Variants in ESYT2 observed in about 807,000 individuals in gnomAD.
ESYT2 encodes the protein extended synaptotagmin-2.
A neutral mutation model predicts 107.2 loss-of-function variants in ESYT2; 54 were observed. The ratio of observed to expected loss-of-function variants is 0.50; its 90% CI spans 0.40 to 0.63. The LOEUF (loss-of-function observed/expected upper bound fraction) is 0.63, where lower values mean the gene tolerates loss of function less well. Ranked by LOEUF, ESYT2 falls within the 30% of genes least tolerant of loss-of-function variation. The pLI, the probability that ESYT2 is intolerant of heterozygous loss-of-function variation, is 0.00. For missense variants in ESYT2, 1,020 were observed against 1,094.5 expected (o/e 0.93, Z 0.96); for synonymous variants, 491 against 434.1 (o/e 1.13, Z -1.63).
At chr7:158,741,060 C>T (rs1365590211) in intron 18 of ESYT2, among the ~76,000 whole-genome samples, 1 of 152,156 alleles carries the variant, frequency 6.6e-6, no homozygotes, top group Admixed American at 6.5e-5. Flanking sequence ...AAGGAGCCAA[C>T]ACAGACATCC....
chr7:158,777,299 ACAGT>A (rs1017447990), intron 6 of ESYT2, among the ~76,000 whole-genome samples: 1 of 152,162 alleles, frequency 6.6e-6, no homozygotes, highest in African/African-American at 2.4e-5. Context: ...ACATAGGAGA[ACAGT>A]CAGTCAGTGG....
intron 1 of ESYT2, among the ~76,000 whole-genome samples, chr7:158,814,334 TATATATATATATGA>T (rs1840086165): frequency 1.9e-4 from 1 of 5,188 alleles, no homozygotes; most frequent in South Asian, 4.5e-3. Context: ...TATATATATA[TATATATATATATGA>T]AATAATATAC....
intron 10 of ESYT2, 84 bp downstream of exon 10, chr7:158,762,999 T>C: frequency 2.3e-6 from 2 of 888,602 alleles, no homozygotes; most frequent in Non-Finnish European, 1.7e-6. Context: ...AGTATACAAA[T>C]GTATTTTAAA....
chr7:158,734,262 A>G lies in ESYT2; in HGVS notation c.2556-10T>C. The stretch of plus-strand genomic sequence containing the variant: ...TTCCGTGAGGTCATACCTGAGAAAG[A>G]CAGTGACAGGAAGGTGGTGACGGAT... On this transcript the variant is annotated splice_polypyrimidine_tract_variant and intron_variant, in intron 22 of 22. Transcript: ENST00000275418. The G allele has an allele frequency of 6.2e-7, 1 of 1,614,140 alleles. No homozygotes were observed. Among genetic ancestry groups the G allele is most frequent in the African/African-American group, 1.3e-5 (1 of 75,052 alleles).
chr7:158,805,858 C>T (rs1370132527), intron 1 of ESYT2, among the ~76,000 whole-genome samples: 1 of 152,240 alleles, frequency 6.6e-6, no homozygotes, highest in Non-Finnish European at 1.5e-5. Flanking sequence ...CACTCCTTGA[C>T]TTTCTCACCA....
At chr7:158,817,322 T>C (rs1463781568) in intron 1 of ESYT2, among the ~76,000 whole-genome samples, 2 of 152,250 alleles carry the variant, frequency 1.3e-5, no homozygotes, top group Admixed American at 1.3e-4. Flanking sequence ...GGAGGCTTCA[T>C]CTGTACAATA....
chr7:158,792,198 T>C (rs1412119748), intron 4 of ESYT2, among the ~76,000 whole-genome samples: 1 of 150,666 alleles, frequency 6.6e-6, no homozygotes, highest in East Asian at 1.9e-4. Flanking sequence ...TAGGGTTTTC[T>C]ACATATGAGA....
At chr7:158,812,895 A>G (rs1176566837) in intron 1 of ESYT2, among the ~76,000 whole-genome samples, 1 of 152,212 alleles carries the variant, frequency 6.6e-6, no homozygotes, top group Non-Finnish European at 1.5e-5. Context: ...CCACAGATAC[A>G]AAGCAGATGT....
chr7:158,756,609 G>C (rs1348296162), intron 13 of ESYT2, among the ~76,000 whole-genome samples: 1 of 152,024 alleles, frequency 6.6e-6, no homozygotes, highest in East Asian at 1.9e-4. Context: ...TTGCGTGTTT[G>C]ATCAGGAAGG....
intron 1 of ESYT2, among the ~76,000 whole-genome samples, chr7:158,814,167 G>A (rs1309029185): frequency 2.6e-5 from 4 of 151,476 alleles, no homozygotes; most frequent in African/African-American, 9.7e-5. Flanking sequence ...CCAGCTACTC[G>A]GAAGGCTGAG....
At chr7:158,811,075 A>T (rs1839982263) in intron 1 of ESYT2, among the ~76,000 whole-genome samples, 1 of 147,570 alleles carries the variant, frequency 6.8e-6, no homozygotes, top group Non-Finnish European at 1.5e-5. Context: ...TGGGAGGATC[A>T]CTTGAGCCCA....
At chr7:158,795,853 C>T (rs1839441998) in intron 3 of ESYT2, among the ~76,000 whole-genome samples, 1 of 152,174 alleles carries the variant, frequency 6.6e-6, no homozygotes, top group African/African-American at 2.4e-5. Flanking sequence ...CACAGGATGG[C>T]CACACCTCAG....
chr7:158,760,395 G>C (rs557303597), intron 11 of ESYT2, among the ~76,000 whole-genome samples: 1 of 152,290 alleles, frequency 6.6e-6, no homozygotes, highest in African/African-American at 2.4e-5. Context: ...CACCAACCCC[G>C]TGACCCCGAC....
intron 1 of ESYT2, among the ~76,000 whole-genome samples, chr7:158,815,106 C>G (rs201775485): frequency 6.6e-6 from 1 of 152,322 alleles, no homozygotes; most frequent in East Asian, 1.9e-4. Context: ...AGAAGAGAGC[C>G]TGCAATGAGT....
intron 20 of ESYT2, among the ~76,000 whole-genome samples, chr7:158,736,749 T>C (rs1836969621): frequency 6.6e-6 from 1 of 152,222 alleles, no homozygotes; most frequent in Non-Finnish European, 1.5e-5. Context: ...CATAGTTAAG[T>C]GTCAACAGAT....
At chr7:158,827,388 A>G (rs574213136) in intron 1 of ESYT2, among the ~76,000 whole-genome samples, 1 of 152,276 alleles carries the variant, frequency 6.6e-6, no homozygotes, top group African/African-American at 2.4e-5. Context: ...TTAGTGTAAT[A>G]TAGACACAAA....
intron 1 of ESYT2, among the ~76,000 whole-genome samples, chr7:158,812,964 G>T (rs1415938971): frequency 6.6e-6 from 1 of 152,158 alleles, no homozygotes; most frequent in Non-Finnish European, 1.5e-5. Context: ...CACAAAACAG[G>T]GTTCCTTTTA....
chr7:158,770,103 T>G (rs928403876), intron 7 of ESYT2, among the ~76,000 whole-genome samples: 1 of 151,924 alleles, frequency 6.6e-6, no homozygotes, highest in African/African-American at 2.4e-5. Flanking sequence ...GTTGGCTAGG[T>G]TGGTCTCAAA....
At chr7:158,740,260 C>A (rs562648812) in intron 18 of ESYT2, among the ~76,000 whole-genome samples, 2 of 152,234 alleles carry the variant, frequency 1.3e-5, no homozygotes, top group Non-Finnish European at 2.9e-5. Flanking sequence ...CGCACAAGCT[C>A]CTGCCCTACC....
Sources: allele counts gnomAD v4.1 joint callset (sites outside exome capture counted in the v4.1 genomes callset), GRCh38; gene constraint gnomAD v4.1.1; transcripts MANE v1.5; gene names NCBI Gene and HGNC (gene_info 2026-07-23, HGNC 2026-07-21).